Variants in NCOA4 observed in about 807,000 individuals in gnomAD.
The protein encoded by NCOA4 is 70 kDa AR-activator.
In NCOA4, 31 loss-of-function variants were observed where a neutral mutation model predicts 69.5. The observed-to-expected ratio is 0.45, with a 90% CI of 0.34 to 0.60. The LOEUF is 0.60. Ranked by LOEUF, NCOA4 falls within the 20% of genes least tolerant of loss-of-function variation. The pLI, the probability that NCOA4 is intolerant of heterozygous loss-of-function variation, is 0.02. For missense variants in NCOA4, 600 were observed against 719.2 expected (o/e 0.83, Z 1.90); for synonymous variants, 228 against 252.4 (o/e 0.90, Z 0.92).
chr10:46,012,141 G>A (rs71502419), intron 7 of NCOA4, among the ~76,000 whole-genome samples: 78 of 75,536 alleles, frequency 1.0e-3, no homozygotes, highest in Non-Finnish European at 1.3e-3. Context: ...ACTAATGGAA[G>A]AAAAAACAAA....
At chr10:46,015,815 C>T (rs1839507596) in intron 2 of NCOA4, among the ~76,000 whole-genome samples, 3 of 152,134 alleles carry the variant, frequency 2.0e-5, no homozygotes, top group Non-Finnish European at 1.5e-5. Flanking sequence ...TGTGCCACCA[C>T]ATGTCAACAG....
At chr10:46,021,476 T>C (rs1839865089) in intron 1 of NCOA4, among the ~76,000 whole-genome samples, 1 of 152,206 alleles carries the variant, frequency 6.6e-6, no homozygotes, top group African/African-American at 2.4e-5. Flanking sequence ...CTCTCCCAGA[T>C]GAGCTTGTTC....
intron 1 of NCOA4, chr10:46,027,666 A>C: frequency 1.7e-6 from 1 of 603,076 alleles, no homozygotes; most frequent in Non-Finnish European, 2.9e-6. Context: ...ATGCATACAT[A>C]CTGGTTGGGT....
intron 7 of NCOA4, 73 bp downstream of exon 7, chr10:46,012,810 T>C (rs1360972261): frequency 6.6e-6 from 10 of 1,523,126 alleles, no homozygotes; most frequent in Middle Eastern, 2.0e-4. Context: ...CAATGACACA[T>C]AGTACTACTG....
chr10:46,029,842 TATCCTCAAC>T (rs1163520276), intron 1 of NCOA4, among the ~76,000 whole-genome samples: 1 of 152,204 alleles, frequency 6.6e-6, no homozygotes, highest in Non-Finnish European at 1.5e-5. Context: ...TTTTCATTGC[TATCCTCAAC>T]ATCCTGAACA....
intron 1 of NCOA4, among the ~76,000 whole-genome samples, chr10:46,021,504 C>T (rs1554924361): frequency 6.6e-6 from 1 of 152,174 alleles, no homozygotes; most frequent in Admixed American, 6.5e-5. Context: ...AGTGTATTAT[C>T]ACCTGTAAAG....
At chr10:46,028,927 C>T (rs1554926022) in intron 1 of NCOA4, among the ~76,000 whole-genome samples, 1 of 151,512 alleles carries the variant, frequency 6.6e-6, no homozygotes, top group Non-Finnish European at 1.5e-5. Flanking sequence ...AAAACACTAA[C>T]TTAGGGACTC....
chr10:46,015,211 C>T lies in NCOA4; in HGVS notation c.197G>A (p.Arg66His). 1.2e-6 allele frequency: 2 copies of T among 1,613,990 alleles called. No homozygotes were observed. The highest frequency in any genetic ancestry group is 1.7e-6 in the Non-Finnish European group (2 of 1,179,928). ...ISRHLECLRS[R>H]EVWLYEQVDL... ...CACCTGTTCATACAGCCATACCTCA[C>T]GGCTTCTAAGACATTCCAGGTGACG... The change falls in exon 3 of 10, where the codon CGT (arginine) becomes CAT (histidine). Residue 66 changes from arginine (R) to histidine (H), a missense_variant. Transcript: ENST00000581486.
intron 9 of NCOA4, among the ~76,000 whole-genome samples, chr10:46,007,300 G>C (rs1838887639): frequency 6.6e-6 from 1 of 152,158 alleles, no homozygotes; most frequent in South Asian, 2.1e-4. Context: ...AGAGAGGTCA[G>C]GAACCAGAAG....
Position 46,005,555 on chromosome 10 carries a change from G to GAAAACT in NCOA4, c.*1036_*1037insAGTTTT, listed in dbSNP as rs2132300010. The GAAAACT allele has an allele frequency of 4.5e-6, 1 of 221,264 alleles. No homozygotes were observed. The highest frequency in any genetic ancestry group is 1.8e-4 in the South Asian group (1 of 5,414). The allele number at this position is 221,264 out of a possible 1,614,324, so 13.7% of individuals were successfully genotyped here. On this transcript the variant is annotated 3_prime_UTR_variant, in exon 10 of 10. Coordinates refer to ENST00000581486, the MANE Select transcript of NCOA4 (RefSeq NM_001145263.2). ...TAAAGCATGGACGTAACTTTAAGGAGACTGAGAAAACATCAGTAGTTTTCA... is the reference window on the plus strand; with the variant it reads ...TAAAGCATGGACGTAACTTTAAGGAGAAAACTACTGAGAAAACATCAGTAGTTTTCA...
At chr10:46,019,351 C>T in intron 1 of NCOA4, 3 of 985,406 alleles carry the variant, frequency 3.0e-6, no homozygotes, top group Non-Finnish European at 3.6e-6. Context: ...ATGCCGGCTC[C>T]GATTTGGAGA....
At chr10:46,009,295 A>G (rs1839053332) in intron 9 of NCOA4, 116 bp downstream of exon 9, 2 of 1,470,094 alleles carry the variant, frequency 1.4e-6, no homozygotes, top group Admixed American at 1.8e-5. Context: ...TGCCTAATAT[A>G]CATACTATTA....
In NCOA4 at chr10:46,006,375, G is replaced by T. The variant is rs7079822; in HGVS notation, c.*217C>A. ...ATTAAAATACTTCTGTAAGAAGGAG[G>T]GAACTGAATCACCTCAGCATGAATA... On this transcript the variant is annotated 3_prime_UTR_variant, in exon 10 of 10. Transcript: ENST00000581486. 3.4e-3 allele frequency: 1,824 copies of T among 535,858 alleles called. 26 individuals carry two copies. Among genetic ancestry groups the T allele is most frequent in the African/African-American group, 0.031 (1,669 of 53,260 alleles). The allele number at this position is 535,858 out of a possible 1,614,324, so 33.2% of individuals were successfully genotyped here.
At chr10:46,007,558 A>G (rs1838907442) in intron 9 of NCOA4, among the ~76,000 whole-genome samples, 1 of 140,032 alleles carries the variant, frequency 7.1e-6, no homozygotes, top group Non-Finnish European at 1.5e-5. Flanking sequence ...CTCTCTTGTT[A>G]GGGACTAACA....
rs1554921161 is a variant in NCOA4, at chr10:46,010,777, G to C, written c.1144C>G (p.Pro382Ala). 1 of 1,613,874 alleles carries C rather than the reference G, an allele frequency of 6.2e-7. No individual in the cohort carries two copies. The highest frequency in any genetic ancestry group is 1.1e-5 in the South Asian group (1 of 91,070). The part of the protein sequence containing the change: ...HLEAKKPLST[P>A]SMVTEDWLVQ... Reference sequence around the variant, plus strand: ...AGCCAATCCTCTGTAACCATGCTGGGGGTGGACAATGGTTTCTTGGCCTCC... The same window carrying C: ...AGCCAATCCTCTGTAACCATGCTGGCGGTGGACAATGGTTTCTTGGCCTCC... Residue 382 changes from proline (P) to alanine (A), a missense_variant, in exon 8 of 10, where the codon CCC (proline) becomes GCC (alanine). By Grantham distance (27) the Pro-to-Ala change is conservative (BLOSUM62 -1). Coordinates refer to ENST00000581486, the MANE Select transcript of NCOA4 (RefSeq NM_001145263.2).
At chr10:46,023,371 G>A (rs1490838399) in intron 1 of NCOA4, 4 of 985,538 alleles carry the variant, frequency 4.1e-6, no homozygotes, top group African/African-American at 1.7e-5. Context: ...CCCGGCAAGC[G>A]ACAGGCTGCT....
rs372877272 is a variant in NCOA4 at position 46,013,604 on chromosome 10, T to A, written c.516A>T (p.Ser172=). Residue 172 remains serine, a synonymous_variant, in exon 6 of 10, where the codon TCA becomes TCT. Coordinates refer to ENST00000581486, the MANE Select transcript of NCOA4 (RefSeq NM_001145263.2). The part of the protein sequence containing the change: ...IPEHLMAHAS[S]ANIGPFLEKR... The stretch of plus-strand genomic sequence containing the variant: ...TCTCCAGGAAGGGCCCAATATTTGC[T>A]GAACTAGCATGAGCCATCAAGTGCT... 3 of 1,613,410 alleles carry A rather than the reference T, an allele frequency of 1.9e-6. No individual in the cohort carries two copies. Among genetic ancestry groups the A allele is most frequent in the South Asian group, 2.2e-5 (2 of 91,016 alleles).
intron 1 of NCOA4, chr10:46,019,285 G>T: frequency 1.0e-6 from 1 of 967,418 alleles, no homozygotes; most frequent in Non-Finnish European, 1.2e-6. Context: ...AAGCATTAGT[G>T]TGCACTTGGA....
chr10:46,013,916 AC>A (rs781858208), intron 5 of NCOA4, among the ~76,000 whole-genome samples: 9 of 152,254 alleles, frequency 5.9e-5, no homozygotes, highest in Non-Finnish European at 1.2e-4. Flanking sequence ...CATAAATTTT[AC>A]AAAAAATATT....
Sources: allele counts gnomAD v4.1 joint callset (sites outside exome capture counted in the v4.1 genomes callset), GRCh38; gene constraint gnomAD v4.1.1; transcripts MANE v1.5; gene names NCBI Gene and HGNC (gene_info 2026-07-23, HGNC 2026-07-21).